The following SLC22A12 variants were observed in gnomAD, a reference collection of about 807,000 sequenced individuals.
The protein encoded by SLC22A12 is solute carrier family 22 member 12.
In SLC22A12, 56 loss-of-function variants were observed where a neutral mutation model predicts 52.7. The ratio of observed to expected loss-of-function variants is 1.06; its 90% CI spans 0.86 to 1.33. The LOEUF (loss-of-function observed/expected upper bound fraction) is 1.33, where lower values mean the gene tolerates loss of function less well. SLC22A12 is among the 40% of genes most tolerant of loss of function. SLC22A12 has a pLI of 0.00. For synonymous variants in SLC22A12, 337 were observed against 324.6 expected (o/e 1.04, Z -0.41); for missense variants, 683 against 741.5 (o/e 0.92, Z 0.92).
chr11:64,594,512 AGGT>A (rs1205989671), intron 4 of SLC22A12, among the ~76,000 whole-genome samples: 6 of 152,204 alleles, frequency 3.9e-5, no homozygotes, highest in African/African-American at 1.4e-4. Flanking sequence ...GTAGGTAGGT[AGGT>A]AGGTAGGTAG....
chr11:64,591,511 G>A lies in SLC22A12; in HGVS notation c.-46G>A. On this transcript the variant is annotated 5_prime_UTR_variant, in exon 1 of 10. Transcript: ENST00000377574. ...GCCCTGGCCTCTTTGCCCTGGGCCA[G>A]CCTTTGTGAAGTGGGCCCCTCTTCT... is the stretch of plus-strand genomic sequence containing the variant. 1 of 1,604,728 alleles carries A rather than the reference G, an allele frequency of 6.2e-7. No homozygotes were observed. Among genetic ancestry groups the A allele is most frequent in the Admixed American group, 1.7e-5 (1 of 60,024 alleles).
chr11:64,597,667 C>T (rs1012279481), intron 4 of SLC22A12, among the ~76,000 whole-genome samples: 1 of 152,372 alleles, frequency 6.6e-6, no homozygotes, highest in African/African-American at 2.4e-5. Context: ...GGTGGCCCCA[C>T]CCTGGCTGCT....
rs1272017433 is a variant in SLC22A12 at position 64,591,681 on chromosome 11, C to A, written c.125C>A (p.Ala42Asp). ...CAGAGCATGCTGGAGAACTTCTCGGCCGCCGTGCCCAGCCACCGCTGCTGG... is the reference window on the plus strand; with the variant it reads ...CAGAGCATGCTGGAGAACTTCTCGGACGCCGTGCCCAGCCACCGCTGCTGG... ...CTQSMLENFS[A>D]AVPSHRCWAP... Residue 42 changes from alanine to aspartate, a missense_variant, in exon 1 of 10, where the codon GCC becomes GAC. Physicochemically the swap from Ala to Asp is moderately radical, Grantham distance 126. Transcript: ENST00000377574. 3 of 1,612,220 alleles carry A rather than the reference C, an allele frequency of 1.9e-6. No individual in the cohort carries two copies. Among genetic ancestry groups the A allele is most frequent in the Non-Finnish European group, 2.5e-6 (3 of 1,180,024 alleles).
chr11:64,596,668 G>T (rs1377872170), intron 4 of SLC22A12, among the ~76,000 whole-genome samples: 2 of 152,182 alleles, frequency 1.3e-5, no homozygotes, highest in Non-Finnish European at 2.9e-5. Context: ...GTAACAATTT[G>T]CAGCCACTCC....
At chr11:64,595,522 G>A (rs1339071213) in intron 4 of SLC22A12, among the ~76,000 whole-genome samples, 1 of 23,400 alleles carries the variant, frequency 4.3e-5, no homozygotes, top group African/African-American at 5.4e-5. Flanking sequence ...GGAATGAATG[G>A]ATGGATGGAT....
In SLC22A12 at chr11:64,591,700, C is replaced by T; in HGVS notation, c.144C>T (p.Arg48=). ...TCTCGGCCGCCGTGCCCAGCCACCG[C>T]TGCTGGGCACCCCTCCTGGACAACA... ...ENFSAAVPSH[R]CWAPLLDNST... is the part of the protein sequence containing the mutation. The change falls in exon 1 of 10, where the codon CGC becomes CGT. Residue 48 remains arginine (R), a synonymous_variant. Coordinates refer to ENST00000377574, the MANE Select transcript of SLC22A12 (RefSeq NM_144585.4). 1 of 1,612,434 alleles carries T rather than the reference C, an allele frequency of 6.2e-7. No individual in the cohort carries two copies. Among genetic ancestry groups the T allele is most frequent in the Non-Finnish European group, 8.5e-7 (1 of 1,180,006 alleles).
intron 1 of SLC22A12, among the ~76,000 whole-genome samples, chr11:64,592,222 G>A (rs1292025106): frequency 1.3e-5 from 2 of 152,124 alleles, no homozygotes; most frequent in Non-Finnish European, 2.9e-5. Context: ...GACACTCACC[G>A]GCCTCACCCT....
At chr11:64,598,055 GGCCATGTGGTATGGGAGGT>G (rs964573727) in intron 4 of SLC22A12, among the ~76,000 whole-genome samples, 2 of 152,138 alleles carry the variant, frequency 1.3e-5, no homozygotes, top group African/African-American at 2.4e-5. Context: ...TGGACAGGAA[GGCCATGTGGTATGGGAGGT>G]GCCAGGACAG....
At chr11:64,598,960 A>C (rs1485663895) in intron 6 of SLC22A12, 37 bp downstream of exon 6, 1 of 1,608,540 alleles carries the variant, frequency 6.2e-7, no homozygotes, top group East Asian at 2.2e-5. Flanking sequence ...TCCACAGGGG[A>C]ACCTGGAATC....
rs142537236 is a variant in SLC22A12, at chr11:64,598,384, G to A, written c.831-132G>A. On this transcript the variant is annotated intron_variant, in intron 4 of 9. Coordinates refer to ENST00000377574, the MANE Select transcript of SLC22A12 (RefSeq NM_144585.4). ...CCCAAGAGGGCTTGGCTGCCACAAC[G>A]CCCTTCGGGGTCCTCAGCCGCCCTA... The A allele has an allele frequency of 1.5e-3, 1,958 of 1,309,138 alleles. 21 individuals are homozygous for A. The African/African-American group carries it at 0.025, about 16-fold the overall frequency. 81.1% of individuals were successfully genotyped at this position (1,309,138 alleles called of 1,614,324 possible).
intron 9 of SLC22A12, 61 bp downstream of exon 9, chr11:64,600,999 A>G: frequency 1.3e-6 from 2 of 1,587,210 alleles, no homozygotes; most frequent in South Asian, 1.1e-5. Context: ...AGCACAGGGC[A>G]GCCTGCTCAC....
Position 64,600,361 on chromosome 11 carries a change from C to T in SLC22A12, c.1286-6C>T. 1.3e-6 allele frequency: 2 copies of T among 1,595,314 alleles called. No individual in the cohort carries two copies. The highest frequency in any genetic ancestry group is 3.4e-5 in the Admixed American group (2 of 58,638). On this transcript the variant is annotated splice_region_variant and splice_polypyrimidine_tract_variant and intron_variant, in intron 7 of 9. Coordinates refer to ENST00000377574, the MANE Select transcript of SLC22A12 (RefSeq NM_144585.4). ...CCAAGCTCACTAATCCCATCTCTAC[C>T]CACAGAAATGGGGGCTCTGCGCTCA...
At chr11:64,597,764 G>A (rs1287460853) in intron 4 of SLC22A12, among the ~76,000 whole-genome samples, 1 of 152,096 alleles carries the variant, frequency 6.6e-6, no homozygotes, top group Non-Finnish European at 1.5e-5. Context: ...CATGGCAGGC[G>A]CTCAGCAGGC....
Position 64,599,849 on chromosome 11 carries a change from T to G in SLC22A12, c.1244T>G (p.Leu415Arg). 6.2e-7 allele frequency: 1 copy of G among 1,612,748 alleles called. No homozygotes were observed. The highest frequency in any genetic ancestry group is 1.1e-5 in the South Asian group (1 of 91,054). ...CCCACGCTGGCCGCATCCCTGTTGC[T>G]GGCAGGGCTCTGCATTCTGGCCAAC... ...RRPTLAASLL[L>R]AGLCILANTL... Residue 415 changes from leucine (L) to arginine (R), a missense_variant, in exon 7 of 10, where the codon CTG becomes CGG. Leu to Arg is a moderately radical substitution (Grantham distance 102). Coordinates refer to ENST00000377574, the MANE Select transcript of SLC22A12 (RefSeq NM_144585.4).
At chr11:64,598,752 G>C in intron 5 of SLC22A12, 56 bp from the exon 6 acceptor site, 1 of 1,609,780 alleles carries the variant, frequency 6.2e-7, no homozygotes, top group Non-Finnish European at 8.5e-7. Flanking sequence ...AGGTCTCAGA[G>C]AGGAGGAGGT....
chr11:64,591,917 GT>G lies in SLC22A12; in HGVS notation c.362del (p.Val121AlafsTer24). 1 of 1,612,422 alleles carries G rather than the reference GT, an allele frequency of 6.2e-7. No homozygotes were observed. Among genetic ancestry groups the G allele is most frequent in the Non-Finnish European group, 8.5e-7 (1 of 1,180,016 alleles). On this transcript the variant is annotated frameshift_variant, in exon 1 of 10. Transcript: ENST00000377574. LOFTEE classifies it high-confidence loss of function. ...ADTEPCVDGW[V>X]YDRSIFTSTI... ...CACGGAGCCGTGTGTGGATGGCTGG[GT>G]CTATGACCGCAGCATCTTCACCTCC...
At chr11:64,600,709 G>A (rs373852915) in intron 8 of SLC22A12, 26 bp from the exon 9 acceptor site, 49 of 1,602,698 alleles carry the variant, frequency 3.1e-5, no homozygotes, top group African/African-American at 5.3e-5. Flanking sequence ...CAGACCAGGC[G>A]CTTATAGGTG....
chr11:64,602,338 A>C lies in SLC22A12; in HGVS notation c.*787A>C, dbSNP rs1180753007. The C allele has an allele frequency of 6.6e-6, 1 of 152,496 alleles. No homozygotes were observed. The highest frequency in any genetic ancestry group is 2.4e-5 in the African/African-American group (1 of 41,454). 9.4% of individuals were successfully genotyped at this position (152,496 alleles called of 1,614,324 possible). On this transcript the variant is annotated 3_prime_UTR_variant, in exon 10 of 10. Transcript: ENST00000377574. ...GGTGCGAGGGATTGAATAAAGAAAC[A>C]AATGAATGGCTGCCCCTCACTGACT... is the stretch of plus-strand genomic sequence containing the variant.
rs1015918272 is a variant in SLC22A12, at chr11:64,592,859, T to C, written c.483T>C (p.Ala161=). ...TGGCTGGGATTCTGGTGGGAGCTGC[T>C]GCGTGCGGCCCTGCCTCAGACAGGT... ...IYLAGILVGA[A]ACGPASDRFG... Residue 161 remains alanine (A), a synonymous_variant, in exon 2 of 10, where the codon GCT becomes GCC. Transcript: ENST00000377574. The C allele has an allele frequency of 3.1e-6, 5 of 1,613,898 alleles. No homozygotes were observed. Among genetic ancestry groups the C allele is most frequent in the South Asian group, 1.1e-5 (1 of 91,078 alleles).
Sources: allele counts gnomAD v4.1 joint callset (sites outside exome capture counted in the v4.1 genomes callset), GRCh38; gene constraint gnomAD v4.1.1; transcripts MANE v1.5; gene names NCBI Gene and HGNC (gene_info 2026-07-23, HGNC 2026-07-21).